The following ADAD1 variants were observed in gnomAD, a reference collection of about 807,000 sequenced individuals.
The protein encoded by ADAD1 is adenosine deaminase domain containing 1, also known as adenosine deaminase domain-containing protein 1.
Under a neutral mutation model 66.8 loss-of-function variants are expected in ADAD1, and 46 were observed. The ratio of observed to expected loss-of-function variants is 0.69; its 90% CI spans 0.54 to 0.88. ADAD1 has a LOEUF of 0.88. Ranked by LOEUF, ADAD1 falls within the 40% of genes least tolerant of loss-of-function variation. ADAD1 has a pLI of 0.00. For missense variants in ADAD1, 617 were observed against 681.8 expected (o/e 0.91, Z 1.06); for synonymous variants, 248 against 229.4 (o/e 1.08, Z -0.73).
At chr4:122,427,697 G>A (rs1797315164) in intron 12 of ADAD1, among the ~76,000 whole-genome samples, 1 of 151,578 alleles carries the variant, frequency 6.6e-6, no homozygotes, top group African/African-American at 2.4e-5. Flanking sequence ...ACCACGCCCG[G>A]CTAATTTTTT....
intron 7 of ADAD1, among the ~76,000 whole-genome samples, chr4:122,404,082 A>G (rs1580773890): frequency 6.6e-6 from 1 of 152,140 alleles, no homozygotes; most frequent in East Asian, 1.9e-4. Context: ...GAGATCTTGC[A>G]CGAGGAGGCT....
intron 8 of ADAD1, among the ~76,000 whole-genome samples, chr4:122,408,971 AC>A (rs1796351799): frequency 6.6e-6 from 1 of 152,130 alleles, no homozygotes; most frequent in Non-Finnish European, 1.5e-5. Flanking sequence ...GTAGCTTTTG[AC>A]CCGCACTAAG....
intron 8 of ADAD1, among the ~76,000 whole-genome samples, chr4:122,409,302 C>T (rs1380806767): frequency 6.6e-6 from 1 of 152,116 alleles, no homozygotes; most frequent in African/African-American, 2.4e-5. Flanking sequence ...TCATAATATC[C>T]ACCAGCTTTT....
intron 5 of ADAD1, among the ~76,000 whole-genome samples, chr4:122,389,510 A>G (rs966991522): frequency 1.3e-5 from 2 of 152,170 alleles, no homozygotes; most frequent in African/African-American, 4.8e-5. Context: ...GTAGGTTTCT[A>G]AGAACTTGTT....
chr4:122,424,362 TTTTC>T (rs1797137857), intron 12 of ADAD1, among the ~76,000 whole-genome samples: 1 of 152,178 alleles, frequency 6.6e-6, no homozygotes, highest in African/African-American at 2.4e-5. Context: ...TTTGCTCTTA[TTTTC>T]TTTCTAAAAA....
intron 7 of ADAD1, among the ~76,000 whole-genome samples, chr4:122,398,434 A>G (rs1310903178): frequency 6.6e-6 from 1 of 151,880 alleles, no homozygotes; most frequent in Non-Finnish European, 1.5e-5. Flanking sequence ...TGCTGCTATA[A>G]ACGTGTGTGC....
chr4:122,395,463 A>G (rs949247527), intron 6 of ADAD1, among the ~76,000 whole-genome samples: 1 of 151,968 alleles, frequency 6.6e-6, no homozygotes, highest in African/African-American at 2.4e-5. Context: ...CGGGTGGATC[A>G]TGAGGTCAGG....
At chr4:122,420,213 A>C (rs1796939975) in intron 11 of ADAD1, among the ~76,000 whole-genome samples, 1 of 152,358 alleles carries the variant, frequency 6.6e-6, no homozygotes, top group East Asian at 1.9e-4. Context: ...TATGTTAGCT[A>C]TTGCTGTGTA....
intron 7 of ADAD1, among the ~76,000 whole-genome samples, chr4:122,402,057 GT>G (rs143976312): frequency 0.25 from 36,967 of 147,668 alleles, 4,849 homozygotes; most frequent in African/African-American, 0.32. Context: ...TACCTTGGGT[GT>G]TTTTTTTTTA....
At chr4:122,392,534 A>G (rs1440137410) in intron 5 of ADAD1, among the ~76,000 whole-genome samples, 1 of 152,240 alleles carries the variant, frequency 6.6e-6, no homozygotes, top group Non-Finnish European at 1.5e-5. Context: ...ATATTGGAAC[A>G]ATAGATGCTG....
At chr4:122,399,740 CTTTTT>C (rs145100591) in intron 7 of ADAD1, among the ~76,000 whole-genome samples, 2 of 110,534 alleles carry the variant, frequency 1.8e-5, no homozygotes, top group Non-Finnish European at 3.8e-5. Context: ...ATTTTCTTTT[CTTTTT>C]TTTTTTTTTT....
At chr4:122,379,982 G>T in intron 2 of ADAD1, 80 bp from the exon 3 acceptor site, 1 of 1,362,256 alleles carries the variant, frequency 7.3e-7, no homozygotes, top group South Asian at 1.5e-5. Context: ...GAAATAATGG[G>T]GGGGTGGGGT....
intron 7 of ADAD1, among the ~76,000 whole-genome samples, chr4:122,407,212 G>A (rs75888461): frequency 2.2e-3 from 330 of 150,960 alleles, no homozygotes; most frequent in Non-Finnish European, 2.7e-3. Flanking sequence ...GTAAGAGATA[G>A]AAAGAATGAG....
At chr4:122,408,148 A>C in intron 8 of ADAD1, 117 bp downstream of exon 8, 76 of 1,075,402 alleles carry the variant, frequency 7.1e-5, no homozygotes, top group Non-Finnish European at 8.7e-5. Context: ...CAAGGATGTC[A>C]CATTTTCTTA....
At chr4:122,394,248 CTA>C (rs1561536911) in intron 6 of ADAD1, among the ~76,000 whole-genome samples, 3 of 152,118 alleles carry the variant, frequency 2.0e-5, no homozygotes, top group African/African-American at 7.2e-5. Flanking sequence ...TAAATAGTAA[CTA>C]ATATTATTTT....
chr4:122,391,272 A>G (rs1038137539), intron 5 of ADAD1, among the ~76,000 whole-genome samples: 1 of 152,120 alleles, frequency 6.6e-6, no homozygotes, highest in Non-Finnish European at 1.5e-5. Flanking sequence ...AGGGGCACCA[A>G]CCTGATGCCG....
At chr4:122,406,128 A>G (rs1267788131) in intron 7 of ADAD1, among the ~76,000 whole-genome samples, 4 of 152,152 alleles carry the variant, frequency 2.6e-5, no homozygotes, top group Admixed American at 2.6e-4. Flanking sequence ...GGCAAGTTAT[A>G]TTTTTATTTT....
At position 122,426,035 on chromosome 4, in the gene ADAD1, T is replaced by C. The variant is rs530926666; in HGVS notation, c.1618-3591T>C. On this transcript the variant is annotated intron_variant, in intron 12 of 12. Coordinates refer to ENST00000296513, the MANE Select transcript of ADAD1 (RefSeq NM_139243.4). ...GAATAGAAATCAGTGAAATTGAAAA[T>C]AGAAAAAAATAGTAGGAAAAAATCT... Among the ~76,000 whole-genome samples the C allele has an allele frequency of 4.6e-5, 7 of 151,596 alleles. No homozygotes were observed. In the South Asian group the frequency reaches 6.2e-4, roughly 14 times the overall value.
At chr4:122,399,725 T>C (rs1795881085) in intron 7 of ADAD1, among the ~76,000 whole-genome samples, 2 of 150,148 alleles carry the variant, frequency 1.3e-5, no homozygotes, top group South Asian at 2.2e-4. Context: ...TTAGGTATAT[T>C]CCTAATTTTC....
Sources: allele counts gnomAD v4.1 joint callset (sites outside exome capture counted in the v4.1 genomes callset), GRCh38; gene constraint gnomAD v4.1.1; transcripts MANE v1.5; gene names NCBI Gene and HGNC (gene_info 2026-07-23, HGNC 2026-07-21).